Variants in KIF3C observed in about 807,000 individuals in gnomAD.
The protein encoded by KIF3C is kinesin family member 3C.
KIF3C carries 12 observed loss-of-function variants against 67.7 expected under a neutral mutation model. The ratio of observed to expected loss-of-function variants is 0.18; its 90% CI spans 0.11 to 0.29. KIF3C has a LOEUF of 0.29. Ranked by LOEUF, KIF3C falls within the 10% of genes least tolerant of loss-of-function variation. The pLI, the probability that KIF3C is intolerant of heterozygous loss-of-function variation, is 1.00. For missense variants in KIF3C, 789 were observed against 1,059.6 expected (o/e 0.74, Z 3.55); for synonymous variants, 393 against 426.2 (o/e 0.92, Z 0.96).
chr2:25,953,127 G>A (rs1040523072), intron 4 of KIF3C, among the ~76,000 whole-genome samples: 8 of 151,530 alleles, frequency 5.3e-5, no homozygotes, highest in Non-Finnish European at 8.8e-5. Context: ...ACATTAGTCA[G>A]GTGTGGTGGT....
At chr2:25,963,197 T>TATATATATATA (rs55857611) in intron 1 of KIF3C, among the ~76,000 whole-genome samples, 6 of 28,848 alleles carry the variant, frequency 2.1e-4, no homozygotes, top group African/African-American at 1.3e-3. Flanking sequence ...TATATATATA[T>TATATATATATA]TTTTTTTTTT....
chr2:25,931,763 G>T (rs954521765), intron 5 of KIF3C, among the ~76,000 whole-genome samples: 7 of 151,642 alleles, frequency 4.6e-5, no homozygotes, highest in African/African-American at 1.7e-4. Context: ...TCAGCCTCCT[G>T]AGCAGCTGAG....
intron 1 of KIF3C, among the ~76,000 whole-genome samples, chr2:25,965,356 T>C (rs1664112889): frequency 6.6e-6 from 1 of 152,218 alleles, no homozygotes; most frequent in Admixed American, 6.5e-5. Context: ...CTCGGAAATA[T>C]GTCATGCATG....
intron 5 of KIF3C, among the ~76,000 whole-genome samples, chr2:25,935,285 A>G (rs984633129): frequency 2.6e-5 from 4 of 152,134 alleles, no homozygotes; most frequent in Non-Finnish European, 5.9e-5. Flanking sequence ...ATATTCTTTG[A>G]CCCAAATTTC....
At chr2:25,960,795 G>A (rs1020602950) in intron 1 of KIF3C, among the ~76,000 whole-genome samples, 2 of 152,146 alleles carry the variant, frequency 1.3e-5, no homozygotes, top group Admixed American at 1.3e-4. Context: ...AATGGGTCAG[G>A]CATGGTGGTG....
At chr2:25,930,654 C>G (rs2090451533) in intron 5 of KIF3C, among the ~76,000 whole-genome samples, 1 of 152,178 alleles carries the variant, frequency 6.6e-6, no homozygotes, top group Non-Finnish European at 1.5e-5. Context: ...TCTTCTGTCT[C>G]AGCCTCCCGA....
chr2:25,961,840 T>C (rs1188733153), intron 1 of KIF3C, among the ~76,000 whole-genome samples: 1 of 151,774 alleles, frequency 6.6e-6, no homozygotes, highest in Non-Finnish European at 1.5e-5. Context: ...ATCCCAGCAC[T>C]TTGGGAGGCC....
chr2:25,971,271 CAAAAAAAAAAAA>C (rs35420433), intron 1 of KIF3C, among the ~76,000 whole-genome samples: 1 of 59,168 alleles, frequency 1.7e-5, no homozygotes, highest in Admixed American at 2.1e-4. Flanking sequence ...GACTCTGTCT[CAAAAAAAAAAAA>C]AAAAAAAATA....
At chr2:25,933,291 G>A (rs1042856451) in intron 5 of KIF3C, among the ~76,000 whole-genome samples, 1 of 151,362 alleles carries the variant, frequency 6.6e-6, no homozygotes, top group Non-Finnish European at 1.5e-5. Flanking sequence ...GATCTCAATA[G>A]ATATTTCTCA....
At chr2:25,974,164 G>T (rs549202362) in intron 1 of KIF3C, among the ~76,000 whole-genome samples, 1 of 152,044 alleles carries the variant, frequency 6.6e-6, no homozygotes, top group Non-Finnish European at 1.5e-5. Flanking sequence ...CTGCCTCCCG[G>T]GTTCAAGTGA....
intron 1 of KIF3C, among the ~76,000 whole-genome samples, chr2:25,971,198 G>C (rs1174820134): frequency 6.6e-6 from 1 of 151,534 alleles, no homozygotes; most frequent in Non-Finnish European, 1.5e-5. Flanking sequence ...TGTGAAGCTG[G>C]GAAGCGGAGC....
At chr2:25,929,099 G>A in intron 7 of KIF3C, 28 bp from the exon 8 acceptor site, 1 of 1,586,526 alleles carries the variant, frequency 6.3e-7, no homozygotes, top group South Asian at 1.1e-5. Flanking sequence ...CAGGCGAAAG[G>A]GGAGGTTAGG....
At chr2:25,940,892 A>C (rs1663267885) in intron 5 of KIF3C, among the ~76,000 whole-genome samples, 1 of 151,940 alleles carries the variant, frequency 6.6e-6, no homozygotes. Flanking sequence ...ACCTCAGGTT[A>C]TCTGCCCGTC....
At chr2:25,942,415 A>T (rs1663305296) in intron 5 of KIF3C, among the ~76,000 whole-genome samples, 1 of 145,930 alleles carries the variant, frequency 6.9e-6, no homozygotes, top group Non-Finnish European at 1.5e-5. Flanking sequence ...GCAAAAAAAA[A>T]TTTTTTTTTT....
chr2:25,980,936 C>A lies in KIF3C; in HGVS notation c.982G>T (p.Asp328Tyr). 1 of 1,614,204 alleles carries A rather than the reference C, an allele frequency of 6.2e-7. No individual in the cohort carries two copies. Among genetic ancestry groups the A allele is most frequent in the South Asian group, 1.1e-5 (1 of 91,088 alleles). Residue 328 changes from aspartate to tyrosine, a missense_variant, in exon 1 of 8, where the codon GAC (aspartate) becomes TAC (tyrosine). Physicochemically the swap from Asp to Tyr is radical, Grantham distance 160 (BLOSUM62 -3). Coordinates refer to ENST00000264712, the MANE Select transcript of KIF3C (RefSeq NM_002254.8). The surrounding 1 kb of genome is among the most constrained non-coding windows in gnomAD (Gnocchi z 7.6). Reference sequence around the variant, plus strand: ...GTCTTGGCATTCCCCCCCAGGGAGTCCTGGAGCAGCCGGGTCAGCTTGGAG... The same window carrying A: ...GTCTTGGCATTCCCCCCCAGGGAGTACTGGAGCAGCCGGGTCAGCTTGGAG... Reference protein sequence around the residue: ...RDSKLTRLLQDSLGGNAKTIM... With the variant: ...RDSKLTRLLQYSLGGNAKTIM...
Position 25,980,839 on chromosome 2 carries a change from T to A in KIF3C, c.1079A>T (p.Asn360Ile). 1 of 1,614,138 alleles carries A rather than the reference T, an allele frequency of 6.2e-7. No individual in the cohort carries two copies. The highest frequency in any genetic ancestry group is 8.5e-7 in the Non-Finnish European group (1 of 1,180,038). Reference sequence around the variant, plus strand: ...CTTGTTCTTGATGTTCTTGGCTCGGTTGGCAAAGCGCAAGGTGGAGAGGCT... The same window carrying A: ...CTTGTTCTTGATGTTCTTGGCTCGGATGGCAAAGCGCAAGGTGGAGAGGCT... ...DESLSTLRFANRAKNIKNKPR... is the reference protein window; with the variant it reads ...DESLSTLRFAIRAKNIKNKPR... Residue 360 changes from asparagine (N) to isoleucine (I), a missense_variant, in exon 1 of 8, where the codon AAC becomes ATC. This residue lies in a region of KIF3C where 648 missense variants were observed against 807.8 expected (regional missense o/e 0.80). Transcript: ENST00000264712. This position sits in a 1 kb window ranked among gnomAD's most constrained non-coding sequence, Gnocchi z 7.6.
chr2:25,930,884 C>T (rs1399661895), intron 5 of KIF3C, among the ~76,000 whole-genome samples: 2 of 151,968 alleles, frequency 1.3e-5, no homozygotes, highest in South Asian at 2.1e-4. Flanking sequence ...TGGGGTTTTA[C>T]CACGTTGGCC....
intron 4 of KIF3C, among the ~76,000 whole-genome samples, chr2:25,953,550 C>T (rs1226206893): frequency 1.3e-5 from 2 of 151,614 alleles, no homozygotes; most frequent in Non-Finnish European, 2.9e-5. Flanking sequence ...TTAGTAGAGG[C>T]GGAGTTTCTC....
intron 5 of KIF3C, chr2:25,938,356 T>TAA: frequency 3.4e-5 from 10 of 293,726 alleles, no homozygotes; most frequent in Middle Eastern, 4.9e-4. Context: ...AGTCTGAGTC[T>TAA]CAAAAAAAAA....
Sources: allele counts gnomAD v4.1 joint callset (sites outside exome capture counted in the v4.1 genomes callset), GRCh38; gene constraint gnomAD v4.1.1; regional missense constraint gnomAD v4.1.1; non-coding constraint Gnocchi (gnomAD v3.1); transcripts MANE v1.5; gene names NCBI Gene and HGNC (gene_info 2026-07-23, HGNC 2026-07-21).